Variants in B3GALT1 observed in about 807,000 individuals in gnomAD.
B3GALT1 encodes the protein UDP-Gal:betaGlcNAc beta 1,3-galactosyltransferase, polypeptide 1.
Under a neutral mutation model 23.2 loss-of-function variants are expected in B3GALT1, and 10 were observed. The ratio of observed to expected loss-of-function variants is 0.43; its 90% CI spans 0.27 to 0.73. The LOEUF is 0.73. B3GALT1 is among the 30% of genes least tolerant of loss of function. The pLI, the probability that B3GALT1 is intolerant of heterozygous loss-of-function variation, is 0.21. For missense variants in B3GALT1, 299 were observed against 405.4 expected, an observed-to-expected ratio of 0.74 and a Z score of 2.25; for synonymous variants, 156 against 141.5, an observed-to-expected ratio of 1.10 and a Z score of -0.73.
intron 4 of B3GALT1, among the ~76,000 whole-genome samples, chr2:167,849,888 TCAAA>T (rs1689843703): frequency 1.1e-5 from 1 of 94,358 alleles, no homozygotes. Context: ...AGACTCTGTC[TCAAA>T]AAAAAAAAAA....
intron 3 of B3GALT1, among the ~76,000 whole-genome samples, chr2:167,754,086 A>G (rs1687779368): frequency 1.3e-5 from 2 of 152,218 alleles, no homozygotes; most frequent in Admixed American, 1.3e-4. Context: ...TTGATCTTCT[A>G]TGAAAATCAG....
intron 3 of B3GALT1, among the ~76,000 whole-genome samples, chr2:167,732,517 C>T (rs1230648577): frequency 6.6e-6 from 1 of 152,204 alleles, no homozygotes; most frequent in African/African-American, 2.4e-5. Context: ...GATTTAACTT[C>T]ACCTGGAAAT....
At chr2:167,418,126 C>T (rs1284553294) in intron 1 of B3GALT1, among the ~76,000 whole-genome samples, 1 of 152,158 alleles carries the variant, frequency 6.6e-6, no homozygotes, top group African/African-American at 2.4e-5. Flanking sequence ...TATGCTCCTT[C>T]GTTTGAAAGC....
chr2:167,456,981 T>C (rs753498360), intron 1 of B3GALT1, among the ~76,000 whole-genome samples: 2 of 152,124 alleles, frequency 1.3e-5, no homozygotes, highest in Non-Finnish European at 2.9e-5. Flanking sequence ...TAACCTCGCT[T>C]TCTGGCAACC....
intron 2 of B3GALT1, among the ~76,000 whole-genome samples, chr2:167,571,184 G>A (rs1229609905): frequency 6.6e-6 from 1 of 151,818 alleles, no homozygotes; most frequent in East Asian, 1.9e-4. Context: ...AATTTCAACA[G>A]AAAATTTCTT....
intron 2 of B3GALT1, among the ~76,000 whole-genome samples, chr2:167,629,535 A>G (rs1426080961): frequency 6.6e-6 from 1 of 151,648 alleles, no homozygotes; most frequent in Non-Finnish European, 1.5e-5. Context: ...CTATGGATTC[A>G]TTCTCTTCTG....
intron 3 of B3GALT1, among the ~76,000 whole-genome samples, chr2:167,759,661 G>A (rs892130643): frequency 3.3e-5 from 5 of 152,146 alleles, no homozygotes; most frequent in Non-Finnish European, 7.4e-5. Context: ...AAACTAATGG[G>A]CAGTGTTGAT....
chr2:167,532,341 G>A (rs1009987471), intron 2 of B3GALT1, among the ~76,000 whole-genome samples: 16 of 152,112 alleles, frequency 1.1e-4, no homozygotes, highest in Non-Finnish European at 1.9e-4. Flanking sequence ...CACATAATGT[G>A]TTAGAAAATA....
At chr2:167,302,220 G>C (rs562795881) in intron 1 of B3GALT1, among the ~76,000 whole-genome samples, 54 of 152,084 alleles carry the variant, frequency 3.6e-4, no homozygotes, top group African/African-American at 1.2e-3. Flanking sequence ...TTATAAAAAT[G>C]GTTAAATGAA....
intron 2 of B3GALT1, among the ~76,000 whole-genome samples, chr2:167,566,092 G>T (rs1227272372): frequency 6.6e-6 from 1 of 151,942 alleles, no homozygotes; most frequent in African/African-American, 2.4e-5. Context: ...CAAAGACTTG[G>T]AACAAACCCA....
chr2:167,768,437 C>CA (rs1291131764), intron 3 of B3GALT1, among the ~76,000 whole-genome samples: 5 of 152,024 alleles, frequency 3.3e-5, no homozygotes, highest in African/African-American at 1.2e-4. Flanking sequence ...AAATGGTAGG[C>CA]CAAAAAACCT....
intron 3 of B3GALT1, chr2:167,714,408 C>T: frequency 1.3e-6 from 2 of 1,550,192 alleles, no homozygotes; most frequent in Non-Finnish European, 1.8e-6. Flanking sequence ...CCTCCTCCCC[C>T]TGGAAGCACA....
intron 2 of B3GALT1, among the ~76,000 whole-genome samples, chr2:167,612,034 T>A (rs1169803180): frequency 6.6e-6 from 1 of 152,054 alleles, no homozygotes; most frequent in African/African-American, 2.4e-5. Context: ...AGATAGCTGA[T>A]GAAAATGTCT....
intron 1 of B3GALT1, among the ~76,000 whole-genome samples, chr2:167,400,060 T>G (rs909728041): frequency 7.2e-5 from 11 of 152,058 alleles, no homozygotes; most frequent in Non-Finnish European, 1.5e-4. Flanking sequence ...TTTTGCTCAT[T>G]AGAAGTCTGA....
intron 2 of B3GALT1, among the ~76,000 whole-genome samples, chr2:167,560,421 C>T (rs1440281140): frequency 6.6e-6 from 1 of 151,146 alleles, no homozygotes; most frequent in African/African-American, 2.4e-5. Flanking sequence ...AACCAGCTAA[C>T]ATCATAATGA....
chr2:167,743,232 A>C (rs1687602518), intron 3 of B3GALT1, among the ~76,000 whole-genome samples: 1 of 152,118 alleles, frequency 6.6e-6, no homozygotes, highest in African/African-American at 2.4e-5. Context: ...CATGAACAAA[A>C]GTTTCTCGAG....
At chr2:167,666,867 T>C (rs537963547) in intron 3 of B3GALT1, among the ~76,000 whole-genome samples, 71 of 152,368 alleles carry the variant, frequency 4.7e-4, no homozygotes, top group East Asian at 4.2e-3. Flanking sequence ...ATGGGTTTAC[T>C]GAATACAGCA....
chr2:167,517,238 A>T (rs923054229), intron 2 of B3GALT1, among the ~76,000 whole-genome samples: 8 of 151,666 alleles, frequency 5.3e-5, no homozygotes, highest in African/African-American at 1.9e-4. Context: ...TTTTCAGTGC[A>T]TCTAGAAAGA....
chr2:167,480,825 C>T (rs978168824), intron 1 of B3GALT1, among the ~76,000 whole-genome samples: 1 of 152,244 alleles, frequency 6.6e-6, no homozygotes, highest in South Asian at 2.1e-4. Flanking sequence ...CCCAACTGGC[C>T]AGAGTTTCAA....
Sources: allele counts gnomAD v4.1 joint callset (sites outside exome capture counted in the v4.1 genomes callset), GRCh38; gene constraint gnomAD v4.1.1; transcripts MANE v1.5; gene names NCBI Gene and HGNC (gene_info 2026-07-23, HGNC 2026-07-21).